Variants in GNA14 observed in about 807,000 individuals in gnomAD.
GNA14 encodes the protein G protein subunit alpha 14, also known as guanine nucleotide-binding protein subunit alpha-14.
GNA14 carries 50 observed loss-of-function variants against 42.0 expected under a neutral mutation model. That is an observed-to-expected ratio of 1.19 (90% confidence interval 0.95 to 1.51). The LOEUF (loss-of-function observed/expected upper bound fraction) is 1.51. Ranked by LOEUF, GNA14 falls within the 40% of genes most tolerant of loss-of-function variation. The pLI, the probability that GNA14 is intolerant of heterozygous loss-of-function variation, is 0.00. For synonymous variants in GNA14, 173 were observed against 163.1 expected, an observed-to-expected ratio of 1.06 and a Z score of -0.46; for missense variants, 473 against 446.2, an observed-to-expected ratio of 1.06 and a Z score of -0.54.
intron 2 of GNA14, among the ~76,000 whole-genome samples, chr9:77,459,914 G>C (rs2131710885): frequency 6.6e-6 from 1 of 152,216 alleles, no homozygotes; most frequent in South Asian, 2.1e-4. Context: ...ACTGTGGCCG[G>C]GCAGAGGAGA....
At chr9:77,518,650 C>T (rs529770821) in intron 2 of GNA14, among the ~76,000 whole-genome samples, 4 of 152,256 alleles carry the variant, frequency 2.6e-5, no homozygotes, top group African/African-American at 9.6e-5. Flanking sequence ...TACAATCAAC[C>T]ACAACTTAAC....
chr9:77,426,194 C>G (rs755672857), intron 5 of GNA14, among the ~76,000 whole-genome samples: 5 of 152,250 alleles, frequency 3.3e-5, no homozygotes, highest in African/African-American at 4.8e-5. Flanking sequence ...CCTAGGAATG[C>G]TAGAAGTTGG....
At chr9:77,494,047 A>G (rs1041380869) in intron 2 of GNA14, among the ~76,000 whole-genome samples, 1 of 152,056 alleles carries the variant, frequency 6.6e-6, no homozygotes. Flanking sequence ...CAGCCTCCCA[A>G]GTAGCTTGGA....
intron 2 of GNA14, among the ~76,000 whole-genome samples, chr9:77,505,130 T>C (rs950133610): frequency 6.6e-6 from 1 of 152,298 alleles, no homozygotes; most frequent in Admixed American, 6.5e-5. Context: ...AGAGTAAGTC[T>C]GGCCAAGGAT....
chr9:77,517,344 C>A (rs1380503055), intron 2 of GNA14: 1 of 152,038 alleles, frequency 6.6e-6, no homozygotes, highest in Non-Finnish European at 1.5e-5. Flanking sequence ...CCCATTAATT[C>A]ATTGTTTCAA....
In GNA14 at chr9:77,471,338, A is replaced by C. The variant is rs1025965636; in HGVS notation, c.310-36816T>G. Among the ~76,000 whole-genome samples, 66 of 152,270 alleles carry C rather than the reference A, an allele frequency of 4.3e-4. 1 individual carries two copies. The highest frequency in any genetic ancestry group is 1.5e-3 in the African/African-American group (63 of 41,550). On this transcript the variant is annotated intron_variant, in intron 2 of 6. Transcript: ENST00000341700. Reference sequence around the variant, plus strand: ...GTGCTTGAAGGTTGGTCTTGCAACAAATTAACATTGAAGAAACTGATGAAT... The same window carrying C: ...GTGCTTGAAGGTTGGTCTTGCAACACATTAACATTGAAGAAACTGATGAAT...
chr9:77,581,002 GCA>G (rs3052394), intron 1 of GNA14, among the ~76,000 whole-genome samples: 34,034 of 143,980 alleles, frequency 0.24, 3,924 homozygotes, highest in East Asian at 0.49. Context: ...TACAATAAAG[GCA>G]CACACACACA....
At chr9:77,490,363 C>G (rs1836746709) in intron 2 of GNA14, among the ~76,000 whole-genome samples, 1 of 152,256 alleles carries the variant, frequency 6.6e-6, no homozygotes, top group African/African-American at 2.4e-5. Flanking sequence ...AGCTGCCTGC[C>G]TGTCCCGTGC....
intron 1 of GNA14, among the ~76,000 whole-genome samples, chr9:77,577,869 C>T (rs1186509922): frequency 6.6e-6 from 1 of 152,068 alleles, no homozygotes; most frequent in African/African-American, 2.4e-5. Context: ...TCCTATCTCA[C>T]CATTTAAGAG....
At chr9:77,425,201 G>A (rs563512341) in intron 6 of GNA14, among the ~76,000 whole-genome samples, 2 of 152,262 alleles carry the variant, frequency 1.3e-5, no homozygotes, top group East Asian at 1.9e-4. Flanking sequence ...AGAGCAAGCA[G>A]GGGTTAGGCT....
chr9:77,456,595 G>A (rs1187190180), intron 2 of GNA14: 3 of 152,146 alleles, frequency 2.0e-5, no homozygotes, highest in African/African-American at 7.2e-5. Context: ...CCAAAAGCAC[G>A]ATGTGACTGT....
chr9:77,538,305 C>A (rs1220917805), intron 1 of GNA14, among the ~76,000 whole-genome samples: 1 of 152,074 alleles, frequency 6.6e-6, no homozygotes, highest in Admixed American at 6.5e-5. Flanking sequence ...AAATCCTGAC[C>A]TCAAGTGATC....
intron 1 of GNA14, among the ~76,000 whole-genome samples, chr9:77,578,651 C>A (rs1238754008): frequency 6.6e-6 from 1 of 152,174 alleles, no homozygotes; most frequent in East Asian, 1.9e-4. Context: ...TCATGCAAAT[C>A]TTTTCATAGC....
intron 1 of GNA14, among the ~76,000 whole-genome samples, chr9:77,646,260 G>A (rs768041286): frequency 6.6e-6 from 1 of 152,218 alleles, no homozygotes; most frequent in South Asian, 2.1e-4. Context: ...CCCTTTGTGA[G>A]CTCTCCAGGG....
intron 2 of GNA14, among the ~76,000 whole-genome samples, chr9:77,437,274 G>A (rs1420762245): frequency 6.6e-6 from 1 of 152,246 alleles, no homozygotes; most frequent in African/African-American, 2.4e-5. Context: ...GCCAAGTGCA[G>A]TGGCTCACGC....
At chr9:77,605,484 C>T (rs1004539312) in intron 1 of GNA14, among the ~76,000 whole-genome samples, 2 of 152,140 alleles carry the variant, frequency 1.3e-5, no homozygotes, top group African/African-American at 4.8e-5. Context: ...GGTCATACAA[C>T]CCAGGAAAGA....
chr9:77,493,577 C>T (rs544148416), intron 2 of GNA14, among the ~76,000 whole-genome samples: 1 of 152,214 alleles, frequency 6.6e-6, no homozygotes, highest in Non-Finnish European at 1.5e-5. Context: ...CAATAGTGTC[C>T]ACTTATTGAG....
At chr9:77,451,164 A>G (rs1279514329) in intron 2 of GNA14, among the ~76,000 whole-genome samples, 4 of 152,156 alleles carry the variant, frequency 2.6e-5, no homozygotes, top group African/African-American at 9.7e-5. Flanking sequence ...AGAGGACTCA[A>G]GATATAATCT....
intron 1 of GNA14, among the ~76,000 whole-genome samples, chr9:77,608,101 A>G (rs1191764192): frequency 6.6e-6 from 1 of 152,212 alleles, no homozygotes; most frequent in East Asian, 1.9e-4. Flanking sequence ...AGCCAAGGGC[A>G]TGATGCTGCT....
Sources: gnomAD v4.1 joint callset for allele counts (sites outside exome capture counted in the v4.1 genomes callset) on GRCh38, gnomAD v4.1.1 for gene constraint, MANE v1.5 for transcripts, NCBI Gene and HGNC (gene_info 2026-07-23, HGNC 2026-07-21) for gene names.